Variants in C6orf89 observed in about 807,000 individuals in gnomAD.
The protein encoded by C6orf89 is bombesin receptor-activated protein C6orf89.
Under a neutral mutation model 40.7 loss-of-function variants are expected in C6orf89, and 29 were observed. The observed-to-expected ratio is 0.71, with a 90% CI of 0.53 to 0.97. C6orf89 has a LOEUF of 0.97. Among genes scored for constraint, C6orf89 ranks in the 50% least tolerant of loss-of-function variants. C6orf89 has a pLI of 0.00. For synonymous variants in C6orf89, 165 were observed against 152.2 expected, an observed-to-expected ratio of 1.08 and a Z score of -0.62; for missense variants, 392 against 429.1, an observed-to-expected ratio of 0.91 and a Z score of 0.76.
chr6:36,892,404 G>A (rs1033593292), intron 1 of C6orf89, among the ~76,000 whole-genome samples: 13 of 152,128 alleles, frequency 8.5e-5, no homozygotes, highest in Admixed American at 5.2e-4. Flanking sequence ...GTTCACAGGC[G>A]TGATCGTAAC....
At position 36,924,261 on chromosome 6, in the gene C6orf89, G is replaced by C. The variant is rs1470776734; in HGVS notation, c.*820G>C. 6.5e-6 allele frequency: 1 copy of C among 152,808 alleles called. No individual in the cohort carries two copies. Among genetic ancestry groups the C allele is most frequent in the East Asian group, 1.9e-4 (1 of 5,200 alleles). 9.5% of individuals were successfully genotyped at this position (152,808 alleles called of 1,614,324 possible). A position where few individuals can be genotyped will look rare whatever the true frequency, so the allele number is the denominator to read the frequency against. On this transcript the variant is annotated 3_prime_UTR_variant, in exon 9 of 9. Coordinates refer to ENST00000480824, the MANE Select transcript of C6orf89 (RefSeq NM_001286635.2). ...CAGCACTGCTCTCGTCAGCTGTGTT[G>C]CCTTTACCAAGTGTCTTCAGAGGGT...
At chr6:36,895,574 T>A (rs1338098587) in intron 2 of C6orf89, among the ~76,000 whole-genome samples, 1 of 152,254 alleles carries the variant, frequency 6.6e-6, no homozygotes, top group Non-Finnish European at 1.5e-5. Context: ...TATTCCTGAC[T>A]TCTCATCTAA....
upstream of C6orf89, chr6:36,883,305 A>C (rs1344000389): frequency 2.0e-5 from 3 of 152,170 alleles, no homozygotes; most frequent in Non-Finnish European, 4.4e-5. Context: ...ACAGCTGAGA[A>C]GGGTCCCTCC....
chr6:36,883,613 G>T (rs1477127479), upstream of C6orf89, among the ~76,000 whole-genome samples: 1 of 152,046 alleles, frequency 6.6e-6, no homozygotes, highest in Non-Finnish European at 1.5e-5. Context: ...AAAGATGAAG[G>T]CCCAATGTAG....
At chr6:36,901,197 G>A (rs1355452406) in intron 3 of C6orf89, among the ~76,000 whole-genome samples, 1 of 151,026 alleles carries the variant, frequency 6.6e-6, no homozygotes, top group Admixed American at 6.6e-5. Context: ...GGCCAAGCTG[G>A]TCTCGAACTC....
upstream of C6orf89, among the ~76,000 whole-genome samples, chr6:36,882,722 T>C (rs1398089618): frequency 2.5e-4 from 31 of 124,764 alleles, no homozygotes; most frequent in Middle Eastern, 4.0e-3. Flanking sequence ...TCTTTTTTTT[T>C]TTTTCTTTTT....
intron 1 of C6orf89, chr6:36,874,684 C>A: frequency 6.2e-7 from 1 of 1,611,720 alleles, no homozygotes; most frequent in Non-Finnish European, 8.5e-7. Flanking sequence ...TCCGCGTCTC[C>A]TCTGCCAGCC....
chr6:36,874,878 T>C (rs1774609338), intron 1 of C6orf89: 2 of 1,274,862 alleles, frequency 1.6e-6, no homozygotes, highest in African/African-American at 1.5e-5. Flanking sequence ...ACCCTTTCGA[T>C]ACCAGGATTT....
At chr6:36,886,624 A>G (rs999421387) in intron 1 of C6orf89, among the ~76,000 whole-genome samples, 1 of 152,128 alleles carries the variant, frequency 6.6e-6, no homozygotes, top group Admixed American at 6.5e-5. Context: ...TGCAGGCCAC[A>G]CTTTCTAGTC....
intron 1 of C6orf89, among the ~76,000 whole-genome samples, chr6:36,873,664 T>C (rs920540043): frequency 1.3e-5 from 2 of 152,136 alleles, no homozygotes; most frequent in South Asian, 2.1e-4. Context: ...CCTGAAGATG[T>C]AGAATTTTGC....
rs201755038 is a variant in C6orf89, at chr6:36,902,250, C to T, written c.219C>T (p.Leu73=). 2.6e-4 allele frequency: 422 copies of T among 1,613,970 alleles called. No homozygotes were observed. The highest frequency in any genetic ancestry group is 3.2e-4 in the Non-Finnish European group (378 of 1,180,028). ...TCGCAACCTTGGGATTAATCTTGCTCACTGCCTACTTTGTGATTCAACCTT... is the reference window on the plus strand; with the variant it reads ...TCGCAACCTTGGGATTAATCTTGCTTACTGCCTACTTTGTGATTCAACCTT... ...KVLATLGLIL[L]TAYFVIQPFS... The change falls in exon 4 of 9, where the codon CTC becomes CTT. Residue 73 remains leucine, a synonymous_variant. Coordinates refer to ENST00000480824, the MANE Select transcript of C6orf89 (RefSeq NM_001286635.2).
rs1240182423 is a variant in C6orf89, at chr6:36,923,558, C to G, written c.*117C>G. On this transcript the variant is annotated 3_prime_UTR_variant, in exon 9 of 9. Transcript: ENST00000480824. ...GGGGTTGGTTACTTAGTTACCTGCC[C>G]TTTGCATGCATGTGTGAACCAGCTG... The G allele has an allele frequency of 1.3e-6, 1 of 779,432 alleles. No individual in the cohort carries two copies. Among genetic ancestry groups the G allele is most frequent in the Admixed American group, 2.0e-5 (1 of 49,552 alleles). 48.3% of individuals were successfully genotyped at this position (779,432 alleles called of 1,614,324 possible). A position where few individuals can be genotyped will look rare whatever the true frequency, so the allele number is the denominator to read the frequency against.
chr6:36,873,432 G>A (rs1774560852), intron 1 of C6orf89, among the ~76,000 whole-genome samples: 1 of 152,146 alleles, frequency 6.6e-6, no homozygotes, highest in Non-Finnish European at 1.5e-5. Context: ...CATACATACA[G>A]TATGATCATA....
intron 4 of C6orf89, among the ~76,000 whole-genome samples, chr6:36,904,071 C>T (rs1308556484): frequency 2.0e-5 from 3 of 152,134 alleles, no homozygotes; most frequent in African/African-American, 7.2e-5. Context: ...TCAGACACAC[C>T]AGTCTCCTTT....
chr6:36,901,312 A>ATTTTTTTTTTTTTTTTTTTTT (rs1554136270), intron 3 of C6orf89, among the ~76,000 whole-genome samples: 1 of 64,664 alleles, frequency 1.5e-5, no homozygotes, highest in African/African-American at 6.6e-5. Flanking sequence ...TATTATTATT[A>ATTTTTTTTTTTTTTTTTTTTT]TTATTATTAT....
At chr6:36,873,371 T>C (rs553557464) in intron 1 of C6orf89, among the ~76,000 whole-genome samples, 10 of 152,292 alleles carry the variant, frequency 6.6e-5, no homozygotes, top group African/African-American at 2.4e-4. Flanking sequence ...ATCCATACTA[T>C]GGGCAGCTAC....
chr6:36,918,640 A>T (rs969375796), intron 7 of C6orf89, among the ~76,000 whole-genome samples: 1 of 152,142 alleles, frequency 6.6e-6, no homozygotes, highest in Non-Finnish European at 1.5e-5. Context: ...CCCACTTTAT[A>T]TGGGCATATA....
chr6:36,874,329 A>C (rs1774588328), intron 1 of C6orf89, among the ~76,000 whole-genome samples: 1 of 152,212 alleles, frequency 6.6e-6, no homozygotes, highest in African/African-American at 2.4e-5. Flanking sequence ...TAATGTTTAC[A>C]TGTCTGTCTC....
rs1332250617 is a variant in C6orf89, at chr6:36,893,875, AAAATATCATCCTTT to A, written c.-119-626_-119-613del. On this transcript the variant is annotated intron_variant, in intron 1 of 8. Transcript: ENST00000480824. ...GGATATGATAGTAATTAAACAACAA[AAAATATCATCCTTT>A]AATCCCAGCCTGTAATTCCAGCTGC... Among the ~76,000 whole-genome samples, 4 of 152,254 alleles carry A rather than the reference AAAATATCATCCTTT, an allele frequency of 2.6e-5. No individual in the cohort carries two copies. The East Asian group carries it at 5.8e-4, about 22-fold the overall frequency.
Sources: allele counts gnomAD v4.1 joint callset (sites outside exome capture counted in the v4.1 genomes callset), GRCh38; gene constraint gnomAD v4.1.1; transcripts MANE v1.5; gene names NCBI Gene and HGNC (gene_info 2026-07-23, HGNC 2026-07-21).